The following TTLL11 variants were observed in gnomAD, a reference collection of about 807,000 sequenced individuals.
TTLL11 encodes tubulin polyglutamylase TTLL11.
TTLL11 carries 42 observed loss-of-function variants against 51.7 expected under a neutral mutation model. The observed-to-expected ratio is 0.81, with a 90% CI of 0.64 to 1.05. The LOEUF (loss-of-function observed/expected upper bound fraction) is 1.05. Ranked by LOEUF, TTLL11 falls within the 50% of genes least tolerant of loss-of-function variation. The pLI, the probability that TTLL11 is intolerant of heterozygous loss-of-function variation, is 0.00. For missense variants in TTLL11, 799 were observed against 940.4 expected (o/e 0.85, Z 1.97); for synonymous variants, 381 against 383.5 (o/e 0.99, Z 0.08).
chr9:122,034,638 A>G (rs1346094470), intron 2 of TTLL11, among the ~76,000 whole-genome samples: 2 of 152,076 alleles, frequency 1.3e-5, no homozygotes, highest in East Asian at 1.9e-4. Flanking sequence ...TAGAACCCAC[A>G]TGGAAGCTCC....
intron 3 of TTLL11, among the ~76,000 whole-genome samples, chr9:122,002,695 C>T (rs895109290): frequency 1.3e-5 from 2 of 151,984 alleles, no homozygotes; most frequent in Non-Finnish European, 1.5e-5. Flanking sequence ...GCCTGTAATC[C>T]CAGCACTTTG....
At chr9:121,903,826 A>G (rs1839845996) in intron 6 of TTLL11, among the ~76,000 whole-genome samples, 1 of 152,214 alleles carries the variant, frequency 6.6e-6, no homozygotes, top group Admixed American at 6.5e-5. Context: ...GGATGGTACA[A>G]TTAAAAGGAT....
chr9:121,852,710 C>T (rs1837699680), intron 8 of TTLL11, among the ~76,000 whole-genome samples: 2 of 152,142 alleles, frequency 1.3e-5, no homozygotes, highest in Admixed American at 1.3e-4. Flanking sequence ...CTTTAGCAGG[C>T]CTGGGAGATC....
At chr9:122,070,237 C>T (rs1239739076) in intron 1 of TTLL11, among the ~76,000 whole-genome samples, 1 of 152,080 alleles carries the variant, frequency 6.6e-6, no homozygotes, top group East Asian at 1.9e-4. Context: ...GAAAGGGGCT[C>T]CAATTCAGCC....
chr9:121,914,130 A>G (rs1279918376), intron 6 of TTLL11, among the ~76,000 whole-genome samples: 1 of 152,240 alleles, frequency 6.6e-6, no homozygotes, highest in Non-Finnish European at 1.5e-5. Context: ...CCCCCATAGT[A>G]TATGAAGGAG....
intron 3 of TTLL11, 104 bp downstream of exon 3, chr9:122,031,619 G>T: frequency 7.1e-7 from 1 of 1,410,500 alleles, no homozygotes; most frequent in Non-Finnish European, 9.6e-7. Context: ...TCCCTTAGTC[G>T]CAGCTCCCTG....
At position 121,819,776 on chromosome 9, in the gene TTLL11, A is replaced by G. The variant is rs537306594; in HGVS notation, c.*2811T>C. On this transcript the variant is annotated 3_prime_UTR_variant, in exon 9 of 9. Transcript: ENST00000321582. ...ACTTCCTATCTTCTCGGAGGAAGGAACCATCTGCTTTTGCTATCGTTTCAA... is the reference window on the plus strand; with the variant it reads ...ACTTCCTATCTTCTCGGAGGAAGGAGCCATCTGCTTTTGCTATCGTTTCAA... 6.6e-6 allele frequency among the ~76,000 whole-genome samples: 1 copy of G among 152,148 alleles called. No homozygotes were observed. The highest frequency in any genetic ancestry group is 2.4e-5 in the African/African-American group (1 of 41,430).
intron 8 of TTLL11, among the ~76,000 whole-genome samples, chr9:121,841,865 C>T (rs768136821): frequency 4.6e-5 from 7 of 151,954 alleles, no homozygotes; most frequent in Non-Finnish European, 8.8e-5. Flanking sequence ...TGTCTCAAAT[C>T]GTGGCCAGAT....
intron 6 of TTLL11, among the ~76,000 whole-genome samples, chr9:121,879,779 A>G (rs1162679178): frequency 4.7e-4 from 7 of 14,750 alleles, no homozygotes; most frequent in African/African-American, 2.2e-3. Flanking sequence ...CAGGCTGGGC[A>G]ACATAGCGAG....
Position 121,821,503 on chromosome 9 carries a change from G to C in TTLL11, c.*1084C>G, listed in dbSNP as rs908006996. Reference sequence around the variant, plus strand: ...CACTCTGGAGAGCTTGGCTTTGCCAGGTCCTGCCTGCCTGTCTTCAATAGG... The same window carrying C: ...CACTCTGGAGAGCTTGGCTTTGCCACGTCCTGCCTGCCTGTCTTCAATAGG... On this transcript the variant is annotated 3_prime_UTR_variant, in exon 9 of 9. Transcript: ENST00000321582. The surrounding 1 kb of genome is among the most constrained non-coding windows in gnomAD (Gnocchi z 5.0). Among the ~76,000 whole-genome samples, 1 of 152,170 alleles carries C rather than the reference G, an allele frequency of 6.6e-6. No individual in the cohort carries two copies. Among genetic ancestry groups the C allele is most frequent in the Admixed American group, 6.5e-5 (1 of 15,290 alleles).
At chr9:122,046,680 A>G (rs1462669254) in intron 1 of TTLL11, among the ~76,000 whole-genome samples, 1 of 152,128 alleles carries the variant, frequency 6.6e-6, no homozygotes, top group African/African-American at 2.4e-5. Flanking sequence ...TTCTTCAGAC[A>G]CTTTTGGAAA....
chr9:121,853,426 C>G lies in TTLL11; in HGVS notation c.1840+6911G>C, dbSNP rs1478318340. ...GGGGAGGCTCTGTGAGGGAGGGGAC[C>G]TGGGGGGTGGTGGTGAGCAAGGAGA... On this transcript the variant is annotated intron_variant, in intron 8 of 8. Transcript: ENST00000321582. The surrounding 1 kb of genome is among the most constrained non-coding windows in gnomAD (Gnocchi z 5.6). Among the ~76,000 whole-genome samples, 16 of 75,112 alleles carry G rather than the reference C, an allele frequency of 2.1e-4. No individual in the cohort carries two copies. The highest frequency in any genetic ancestry group is 4.3e-4 in the Non-Finnish European group (16 of 37,430). The allele number at this position is 75,112 out of a possible 152,430, so 49.3% of individuals were successfully genotyped here.
chr9:121,975,194 G>A (rs979680178), intron 4 of TTLL11, among the ~76,000 whole-genome samples: 3 of 152,276 alleles, frequency 2.0e-5, no homozygotes, highest in Non-Finnish European at 4.4e-5. Context: ...TTCCCACAGT[G>A]CGTTTCAGCA....
chr9:121,928,733 C>G (rs1480572486), intron 6 of TTLL11, among the ~76,000 whole-genome samples: 1 of 151,938 alleles, frequency 6.6e-6, no homozygotes, highest in Non-Finnish European at 1.5e-5. Flanking sequence ...GCCACCGCAC[C>G]CGGCCTGTTT....
chr9:122,054,969 T>C (rs1031321330), intron 1 of TTLL11, among the ~76,000 whole-genome samples: 5 of 152,150 alleles, frequency 3.3e-5, no homozygotes, highest in African/African-American at 9.7e-5. Context: ...CCCAGTCCAA[T>C]TCAGTACTTT....
chr9:121,915,980 GACACACACATACACACACACACACAC>G (rs986867134), intron 6 of TTLL11, among the ~76,000 whole-genome samples: 51 of 98,622 alleles, frequency 5.2e-4, no homozygotes, highest in African/African-American at 2.3e-4. Flanking sequence ...TATAGACAAA[GACACACACATACACACACACACACAC>G]ACACACACAC....
intron 6 of TTLL11, among the ~76,000 whole-genome samples, chr9:121,972,053 C>T (rs936377762): frequency 6.6e-6 from 1 of 150,376 alleles, no homozygotes; most frequent in Admixed American, 6.6e-5. Flanking sequence ...ATGGGTGCAG[C>T]AAATCACCAT....
At chr9:121,906,017 A>T (rs1401942389) in intron 6 of TTLL11, among the ~76,000 whole-genome samples, 1 of 152,206 alleles carries the variant, frequency 6.6e-6, no homozygotes, top group Non-Finnish European at 1.5e-5. Flanking sequence ...CTGAGATCAC[A>T]ATAAAATAGG....
intron 1 of TTLL11, among the ~76,000 whole-genome samples, chr9:122,088,866 G>T (rs1466080916): frequency 6.6e-6 from 1 of 151,734 alleles, no homozygotes; most frequent in Non-Finnish European, 1.5e-5. Flanking sequence ...ATTAGCCAGG[G>T]ATGGTGACAC....
Sources: gnomAD v4.1 joint callset for allele counts (sites outside exome capture counted in the v4.1 genomes callset) on GRCh38, gnomAD v4.1.1 for gene constraint, Gnocchi (gnomAD v3.1) non-coding constraint, MANE v1.5 for transcripts, NCBI Gene and HGNC (gene_info 2026-07-23, HGNC 2026-07-21) for gene names.